Variants in NAV3 observed in about 807,000 individuals in gnomAD.
NAV3 encodes neuron navigator 3, also known as pore membrane and/or filament interacting like protein 1.
Under a neutral mutation model 244.7 loss-of-function variants are expected in NAV3, and 87 were observed. The observed-to-expected ratio is 0.36, with a 90% CI of 0.30 to 0.42. NAV3 has a LOEUF of 0.42. Among genes scored for constraint, NAV3 ranks in the 20% least tolerant of loss-of-function variants. The pLI is 1.00. For synonymous variants in NAV3, 1,126 were observed against 1,042.2 expected (o/e 1.08, Z -1.55); for missense variants, 2,663 against 2,893.3 (o/e 0.92, Z 1.83).
chr12:77,665,846 A>G (rs1052999679), intron 2 of NAV3, among the ~76,000 whole-genome samples: 9 of 152,216 alleles, frequency 5.9e-5, no homozygotes, highest in Non-Finnish European at 1.3e-4. Flanking sequence ...TCAAGTTAAT[A>G]TAGTTTGCCT....
At chr12:77,933,222 A>T (rs1455737833) in intron 1 of NAV3, among the ~76,000 whole-genome samples, 1 of 152,190 alleles carries the variant, frequency 6.6e-6, no homozygotes, top group East Asian at 1.9e-4. Flanking sequence ...TGTAGTGTAT[A>T]GAATAGTATA....
intron 2 of NAV3, among the ~76,000 whole-genome samples, chr12:77,763,653 G>A (rs1869599748): frequency 6.6e-6 from 1 of 152,196 alleles, no homozygotes; most frequent in Non-Finnish European, 1.5e-5. Context: ...CTAATTTTGT[G>A]TAGTTCTCTG....
chr12:78,115,058 G>A (rs1193457206), intron 12 of NAV3, among the ~76,000 whole-genome samples: 1 of 152,052 alleles, frequency 6.6e-6, no homozygotes, highest in East Asian at 1.9e-4. Flanking sequence ...TTATGATGTA[G>A]CTCTTGAAGT....
chr12:77,829,312 G>T (rs917939906), upstream of NAV3, among the ~76,000 whole-genome samples: 8 of 152,136 alleles, frequency 5.3e-5, no homozygotes, highest in Admixed American at 4.6e-4. Flanking sequence ...ATGTAATTCT[G>T]AGTCACTTCC....
chr12:77,572,913 T>C (rs752843336), intron 2 of NAV3, among the ~76,000 whole-genome samples: 39 of 152,202 alleles, frequency 2.6e-4, no homozygotes, highest in Admixed American at 7.2e-4. Context: ...TTTTTCTAGC[T>C]TTTTAGAAAC....
chr12:77,998,446 C>G lies in NAV3; in HGVS notation c.850C>G (p.Pro284Ala), dbSNP rs377652650. Residue 284 changes from proline (P) to alanine (A), a missense_variant, in exon 7 of 40, where the codon CCT becomes GCT. Pro to Ala is a conservative substitution (Grantham distance 27, BLOSUM62 -1). Coordinates refer to ENST00000397909, the MANE Select transcript of NAV3 (RefSeq NM_001024383.2). ...QSFNSIDKNK[P>A]PNYANGNEKD... ...CTTTAACAGCATTGACAAAAACAAG[C>G]CTCCAAATTATGCAAATGGAAACGA... 2 of 1,609,750 alleles carry G rather than the reference C, an allele frequency of 1.2e-6. No individual in the cohort carries two copies. The highest frequency in any genetic ancestry group is 1.3e-5 in the African/African-American group (1 of 74,732).
chr12:77,695,515 G>A (rs142603859), intron 2 of NAV3, among the ~76,000 whole-genome samples: 166 of 152,278 alleles, frequency 1.1e-3, no homozygotes, highest in African/African-American at 3.6e-3. Flanking sequence ...CTATGTGTCT[G>A]TTTTTATGCC....
chr12:77,925,470 G>A (rs1201671724), intron 1 of NAV3, among the ~76,000 whole-genome samples: 1 of 152,002 alleles, frequency 6.6e-6, no homozygotes, highest in African/African-American at 2.4e-5. Context: ...GGAATCCTTA[G>A]CATTTTAACA....
intron 34 of NAV3, among the ~76,000 whole-genome samples, chr12:78,196,410 C>T (rs77493961): frequency 0.082 from 12,503 of 151,898 alleles, 666 homozygotes; most frequent in Non-Finnish European, 0.13. Context: ...TGCCAGAAAC[C>T]AAAATCATGG....
chr12:77,980,528 T>G (rs1392924089), intron 5 of NAV3, among the ~76,000 whole-genome samples: 6 of 152,296 alleles, frequency 3.9e-5, no homozygotes, highest in African/African-American at 1.2e-4. Context: ...AATAATCTGA[T>G]TTTTCACTGA....
chr12:77,631,475 A>G (rs1374843988), intron 2 of NAV3, among the ~76,000 whole-genome samples: 1 of 152,102 alleles, frequency 6.6e-6, no homozygotes, highest in Admixed American at 6.6e-5. Flanking sequence ...TTTTGGAAAA[A>G]AAAAAAAAAG....
chr12:77,775,119 C>T lies in NAV3; in HGVS notation c.73-165200C>T, dbSNP rs977030521. On this transcript the variant is annotated intron_variant, in intron 2 of 8. Coordinates refer to the NAV3 transcript ENST00000550042. ...AAAAGTGTGTCATTTTGGCTGGGTG[C>T]GGTGGCTCATACCTGTAATCCCAGC... Among the ~76,000 whole-genome samples the T allele has an allele frequency of 2.6e-5, 4 of 151,892 alleles. No individual in the cohort carries two copies. In the South Asian group the frequency reaches 8.3e-4, roughly 32 times the overall value.
chr12:77,648,557 T>C (rs1415297681), intron 2 of NAV3, among the ~76,000 whole-genome samples: 1 of 152,122 alleles, frequency 6.6e-6, no homozygotes, highest in Non-Finnish European at 1.5e-5. Flanking sequence ...TTCCTGCTTA[T>C]GGCACAACAC....
At chr12:78,156,434 T>C (rs1054995348) in intron 22 of NAV3, among the ~76,000 whole-genome samples, 3 of 152,126 alleles carry the variant, frequency 2.0e-5, no homozygotes, top group African/African-American at 4.8e-5. Context: ...ATCATAAACA[T>C]TTTGTGGTTA....
intron 2 of NAV3, among the ~76,000 whole-genome samples, chr12:77,586,927 T>A (rs576730750): frequency 1.3e-5 from 2 of 152,254 alleles, no homozygotes; most frequent in African/African-American, 4.8e-5. Context: ...GAATCAGAGT[T>A]TGATCAATGA....
At chr12:77,770,548 G>C (rs1001853734) in intron 2 of NAV3, among the ~76,000 whole-genome samples, 2 of 152,184 alleles carry the variant, frequency 1.3e-5, no homozygotes, top group African/African-American at 4.8e-5. Flanking sequence ...CTTAGAGGCA[G>C]CTTGCCCCAG....
intron 1 of NAV3, among the ~76,000 whole-genome samples, chr12:77,925,968 G>C (rs1202334662): frequency 1.3e-5 from 2 of 152,182 alleles, no homozygotes; most frequent in African/African-American, 4.8e-5. Flanking sequence ...TTTGCTTAGA[G>C]TTGATGTAAA....
chr12:78,124,931 G>A (rs1271775768), intron 16 of NAV3, among the ~76,000 whole-genome samples: 1 of 152,126 alleles, frequency 6.6e-6, no homozygotes, highest in Non-Finnish European at 1.5e-5. Flanking sequence ...TAGCTATAGT[G>A]TATAATATTA....
intron 19 of NAV3, among the ~76,000 whole-genome samples, chr12:78,137,633 A>G (rs75696678): frequency 0.12 from 17,927 of 152,196 alleles, 1,311 homozygotes; most frequent in Middle Eastern, 0.18. Flanking sequence ...AAATATACAT[A>G]TAAACTATTT....
Sources: allele counts gnomAD v4.1 joint callset (sites outside exome capture counted in the v4.1 genomes callset), GRCh38; gene constraint gnomAD v4.1.1; transcripts MANE v1.5; gene names NCBI Gene and HGNC (gene_info 2026-07-23, HGNC 2026-07-21).